Variants in CCDC57 observed in about 807,000 individuals in gnomAD.
CCDC57 encodes the protein coiled-coil domain-containing protein 57.
CCDC57 carries 118 observed loss-of-function variants against 118.9 expected under a neutral mutation model. The ratio of observed to expected loss-of-function variants is 0.99; its 90% CI spans 0.86 to 1.16. The LOEUF (loss-of-function observed/expected upper bound fraction) is 1.16, where lower values mean the gene tolerates loss of function less well. Ranked by LOEUF, CCDC57 falls within the 50% of genes most tolerant of loss-of-function variation. The pLI, the probability that CCDC57 is intolerant of heterozygous loss-of-function variation, is 0.00. For synonymous variants in CCDC57, 527 were observed against 532.9 expected, an observed-to-expected ratio of 0.99 and a Z score of 0.15; for missense variants, 1,300 against 1,320.7, an observed-to-expected ratio of 0.98 and a Z score of 0.24.
intron 13 of CCDC57, among the ~76,000 whole-genome samples, chr17:82,168,683 A>G (rs1223251364): frequency 6.6e-6 from 1 of 152,196 alleles, no homozygotes; most frequent in Non-Finnish European, 1.5e-5. Context: ...AATGCTAATC[A>G]AAAGAAAGCC....
rs551372696 is a variant in CCDC57, at chr17:82,206,175, G to A, written c.-9+1672C>T. Among the ~76,000 whole-genome samples, 15 of 152,374 alleles carry A rather than the reference G, an allele frequency of 9.8e-5. No homozygotes were observed. In the South Asian group the frequency reaches 2.7e-3, roughly 27 times the overall value. On this transcript the variant is annotated intron_variant, in intron 2 of 19. Transcript: ENST00000665763. ...AGAACCAGTGGGGCTCCCTGAACCA[G>A]CCAGCTCCCAGCAGGGGCTGGAACA... is the stretch of plus-strand genomic sequence containing the variant.
intron 16 of CCDC57, among the ~76,000 whole-genome samples, chr17:82,145,510 G>A (rs373777917): frequency 1.3e-5 from 2 of 151,914 alleles, no homozygotes; most frequent in East Asian, 3.9e-4. Context: ...TCGCACCACT[G>A]CACTCCAGCC....
At chr17:82,161,130 A>G (rs35416122) in intron 14 of CCDC57, among the ~76,000 whole-genome samples, 70,833 of 151,688 alleles carry the variant, frequency 0.47, 17,311 homozygotes, top group East Asian at 0.88. Flanking sequence ...GTCATCAGGA[A>G]AATGCAAATC....
At chr17:82,165,325 C>G (rs2043849006) in intron 13 of CCDC57, among the ~76,000 whole-genome samples, 1 of 152,144 alleles carries the variant, frequency 6.6e-6, no homozygotes, top group South Asian at 2.1e-4. Context: ...AAAGGCCCAG[C>G]CAGAACACAA....
intron 19 of CCDC57, among the ~76,000 whole-genome samples, chr17:82,114,329 C>T (rs1415269665): frequency 6.6e-6 from 1 of 151,846 alleles, no homozygotes; most frequent in Non-Finnish European, 1.5e-5. Context: ...AGCATGGGGA[C>T]TTCTGGCTGG....
At chr17:82,180,483 G>T (rs1004683071) in intron 9 of CCDC57, among the ~76,000 whole-genome samples, 3 of 152,162 alleles carry the variant, frequency 2.0e-5, no homozygotes, top group African/African-American at 7.2e-5. Context: ...ATTATTTTTA[G>T]GTTTTTTTTG....
intron 11 of CCDC57, among the ~76,000 whole-genome samples, chr17:82,174,648 T>C (rs909931947): frequency 1.1e-4 from 17 of 152,228 alleles, no homozygotes; most frequent in Non-Finnish European, 2.9e-5. Context: ...CTCAAAGAGA[T>C]AACAACATAA....
chr17:82,161,522 G>T (rs2043333651), intron 14 of CCDC57, among the ~76,000 whole-genome samples: 1 of 152,166 alleles, frequency 6.6e-6, no homozygotes, highest in Non-Finnish European at 1.5e-5. Flanking sequence ...GTGCATGAAT[G>T]ATAAACAAAA....
At chr17:82,116,208 A>G (rs1423374232) in intron 19 of CCDC57, among the ~76,000 whole-genome samples, 5 of 147,490 alleles carry the variant, frequency 3.4e-5, no homozygotes, top group South Asian at 4.5e-4. Flanking sequence ...CAGCATTAAC[A>G]TGGGACACCC....
At chr17:82,126,957 A>T in intron 19 of CCDC57, 1 of 985,296 alleles carries the variant, frequency 1.0e-6, no homozygotes, top group Non-Finnish European at 1.2e-6. Flanking sequence ...CCCCAACCAC[A>T]TCACACGTCC....
At chr17:82,202,579 G>A (rs566508621) in intron 2 of CCDC57, among the ~76,000 whole-genome samples, 85 of 151,622 alleles carry the variant, frequency 5.6e-4, no homozygotes, top group African/African-American at 1.9e-3. Context: ...GTGAAACCCC[G>A]TCTCTACTAA....
intron 19 of CCDC57, among the ~76,000 whole-genome samples, chr17:82,106,974 G>GC (rs1437470649): frequency 3.9e-5 from 6 of 152,228 alleles, no homozygotes; most frequent in African/African-American, 1.4e-4. Context: ...CCGGGGAACA[G>GC]CACTGCCTGC....
chr17:82,189,666 A>G (rs1039435141), intron 7 of CCDC57, among the ~76,000 whole-genome samples: 6 of 152,186 alleles, frequency 3.9e-5, no homozygotes, highest in African/African-American at 1.4e-4. Context: ...CCTGGCCAAC[A>G]TGGCGAAACC....
exon 3 of CCDC57, chr17:82,201,845 C>A (rs1185816072): frequency 1.2e-6 from 2 of 1,613,564 alleles, no homozygotes; most frequent in African/African-American, 2.7e-5. Flanking sequence ...TGCAGAGCCG[C>A]CTCCTGCAGC....
At chr17:82,191,383 C>T (rs1295156456) in intron 7 of CCDC57, among the ~76,000 whole-genome samples, 1 of 152,184 alleles carries the variant, frequency 6.6e-6, no homozygotes, top group East Asian at 1.9e-4. Context: ...GTGGAACTGT[C>T]TATGACGTGG....
chr17:82,121,933 C>A (rs1272628547), intron 19 of CCDC57, among the ~76,000 whole-genome samples: 1 of 152,174 alleles, frequency 6.6e-6, no homozygotes, highest in Non-Finnish European at 1.5e-5. Context: ...CCACACCAGC[C>A]CGCCTTCCCT....
intron 13 of CCDC57, among the ~76,000 whole-genome samples, chr17:82,169,076 A>T (rs1599103613): frequency 6.6e-6 from 1 of 152,212 alleles, no homozygotes; most frequent in African/African-American, 2.4e-5. Context: ...ATGCAAGAAG[A>T]AGTAAACAAT....
exon 20 of CCDC57, chr17:82,101,637 G>T: frequency 6.8e-7 from 1 of 1,471,624 alleles, no homozygotes; most frequent in South Asian, 1.2e-5. Context: ...GGCACCATGC[G>T]GAGGCCCCGA....
rs372445370 is a variant in CCDC57, at chr17:82,182,117, CA to C, written c.1211+1656del. Among the ~76,000 whole-genome samples the C allele has an allele frequency of 1.4e-3, 199 of 142,692 alleles. 2 individuals are homozygous for C. The highest frequency in any genetic ancestry group is 4.4e-3 in the African/African-American group (170 of 38,774). The allele number at this position is 142,692 out of a possible 152,430, so 93.6% of individuals were successfully genotyped here. ...TGGGTGACAGAGTGAGACTCCATCTCAAAAAAAAAAGAAAAAAAGTTGAGAA... is the reference window on the plus strand; with the variant it reads ...TGGGTGACAGAGTGAGACTCCATCTCAAAAAAAAAGAAAAAAAGTTGAGAA... On this transcript the variant is annotated intron_variant, in intron 9 of 19. Coordinates refer to ENST00000665763, the Ensembl canonical transcript of CCDC57.
Sources: gnomAD v4.1 joint callset for allele counts (sites outside exome capture counted in the v4.1 genomes callset) on GRCh38, gnomAD v4.1.1 for gene constraint, MANE v1.5 for transcripts, NCBI Gene and HGNC (gene_info 2026-07-23, HGNC 2026-07-21) for gene names.